Variants in GRK5 observed in about 807,000 individuals in gnomAD.
GRK5 encodes the protein g protein-coupled receptor kinase GRK5.
GRK5 carries 40 observed loss-of-function variants against 78.4 expected under a neutral mutation model. The observed-to-expected ratio is 0.51, with a 90% CI of 0.40 to 0.66. The LOEUF (loss-of-function observed/expected upper bound fraction) is 0.66, where lower values mean the gene tolerates loss of function less well. Among genes scored for constraint, GRK5 ranks in the 30% least tolerant of loss-of-function variants. GRK5 has a pLI of 0.00. For synonymous variants in GRK5, 289 were observed against 296.8 expected (o/e 0.97, Z 0.27); for missense variants, 598 against 759.9 (o/e 0.79, Z 2.50).
At chr10:119,288,348 A>G (rs572496107) in intron 1 of GRK5, among the ~76,000 whole-genome samples, 1 of 152,334 alleles carries the variant, frequency 6.6e-6, no homozygotes, top group South Asian at 2.1e-4. Flanking sequence ...CATAAGCTCC[A>G]TGGCAGCCAG....
At chr10:119,370,712 A>G (rs1589769434) in intron 2 of GRK5, among the ~76,000 whole-genome samples, 2 of 152,110 alleles carry the variant, frequency 1.3e-5, no homozygotes, top group African/African-American at 4.8e-5. Context: ...TTTAAGAGAA[A>G]GCTGTTTTCG....
intron 1 of GRK5, among the ~76,000 whole-genome samples, chr10:119,306,544 C>T (rs1238796462): frequency 6.6e-6 from 1 of 152,144 alleles, no homozygotes; most frequent in Non-Finnish European, 1.5e-5. Context: ...ACACTGAGAT[C>T]ACACAGCGAG....
At position 119,287,576 on chromosome 10, in the gene GRK5, T is replaced by C. The variant is rs571657202; in HGVS notation, c.53-38940T>C. On this transcript the variant is annotated intron_variant, in intron 1 of 15. Coordinates refer to ENST00000392870, the MANE Select transcript of GRK5 (RefSeq NM_005308.3). ...AGGAAAAAAATGCCTGTTTTCACTC[T>C]GGGCTTAGAATTCTTTTCTCTTCTT... Among the ~76,000 whole-genome samples, 6 of 152,358 alleles carry C rather than the reference T, an allele frequency of 3.9e-5. No individual in the cohort carries two copies. In the South Asian group the frequency reaches 8.3e-4, roughly 21 times the overall value.
chr10:119,425,250 T>G (rs1364366699), intron 6 of GRK5, among the ~76,000 whole-genome samples, 165 bp downstream of exon 6: 1 of 121,964 alleles, frequency 8.2e-6, no homozygotes, highest in East Asian at 2.4e-4. Flanking sequence ...GCTGTATGCT[T>G]ATTCAAGCAC....
chr10:119,439,555 G>A (rs1288114229), intron 9 of GRK5, among the ~76,000 whole-genome samples, 176 bp from the exon 10 acceptor site: 1 of 152,232 alleles, frequency 6.6e-6, no homozygotes, highest in African/African-American at 2.4e-5. Flanking sequence ...TTACTGGAAG[G>A]AGAAAAATTA....
intron 13 of GRK5, among the ~76,000 whole-genome samples, chr10:119,450,516 G>T (rs575495222): frequency 6.6e-6 from 1 of 152,228 alleles, no homozygotes; most frequent in African/African-American, 2.4e-5. Flanking sequence ...GCCTCCGTGC[G>T]TGCACCCAGG....
rs1210103612 is a variant in GRK5 at position 119,280,712 on chromosome 10, TC to T, written c.53-45801del. ...TTGAGGCACTGCCAAATTATTTTTCTCCCAGAATGCTTTGGAGGCAATGACT... is the reference window on the plus strand; with the variant it reads ...TTGAGGCACTGCCAAATTATTTTTCTCCAGAATGCTTTGGAGGCAATGACT... On this transcript the variant is annotated intron_variant, in intron 1 of 15. Transcript: ENST00000392870. Among the ~76,000 whole-genome samples the T allele has an allele frequency of 7.2e-5, 11 of 152,192 alleles. No homozygotes were observed. In the South Asian group the frequency reaches 1.2e-3, roughly 17 times the overall value.
chr10:119,441,947 G>A (rs1375930001), intron 10 of GRK5, 52 bp from the exon 11 acceptor site: 9 of 1,445,932 alleles, frequency 6.2e-6, no homozygotes, highest in South Asian at 4.6e-5. Context: ...CAGCAAGGCC[G>A]GGTGCCCATG....
At chr10:119,277,180 C>A (rs1456635657) in intron 1 of GRK5, among the ~76,000 whole-genome samples, 1 of 152,102 alleles carries the variant, frequency 6.6e-6, no homozygotes, top group Non-Finnish European at 1.5e-5. Flanking sequence ...CTGGGTGCTG[C>A]CGCACCTTGT....
intron 2 of GRK5, among the ~76,000 whole-genome samples, chr10:119,331,237 G>C (rs139193049): frequency 6.6e-6 from 1 of 152,248 alleles, no homozygotes; most frequent in Non-Finnish European, 1.5e-5. Context: ...GCGTGCTGGC[G>C]TGTGGAAATG....
rs1852604925 is a variant in GRK5 at position 119,423,183 on chromosome 10, C to T, written c.357C>T (p.Ala119=). The T allele has an allele frequency of 1.2e-6, 2 of 1,613,532 alleles. No homozygotes were observed. Among genetic ancestry groups the T allele is most frequent in the Non-Finnish European group, 8.5e-7 (1 of 1,179,534 alleles). The change falls in exon 5 of 16, where the codon GCC becomes GCT. Residue 119 remains alanine (A), a synonymous_variant. Transcript: ENST00000392870. ...TCTTCCAGTCCCCTGTTTTCATAGC[C>T]CAAGTTGGCCAAGACCTGGTCTCCC... ...YLTPKSPVFI[A]QVGQDLVSQT...
intron 8 of GRK5, among the ~76,000 whole-genome samples, chr10:119,434,605 C>T (rs988503870): frequency 6.6e-6 from 1 of 152,252 alleles, no homozygotes; most frequent in African/African-American, 2.4e-5. Flanking sequence ...ACGTGGGTTC[C>T]CACGGTCTTG....
intron 1 of GRK5, among the ~76,000 whole-genome samples, chr10:119,213,329 G>C (rs1007185919): frequency 6.6e-6 from 1 of 152,092 alleles, no homozygotes; most frequent in Non-Finnish European, 1.5e-5. Context: ...TGGCCAACAT[G>C]GTGAAATCCT....
intron 1 of GRK5, among the ~76,000 whole-genome samples, chr10:119,279,330 AAC>A (rs956351416): frequency 3.9e-5 from 6 of 152,286 alleles, no homozygotes; most frequent in African/African-American, 1.2e-4. Context: ...TTAGAACTTC[AAC>A]ACAGGAATTT....
intron 10 of GRK5, among the ~76,000 whole-genome samples, chr10:119,441,751 A>G (rs1463192443): frequency 1.3e-5 from 2 of 152,238 alleles, no homozygotes; most frequent in East Asian, 3.9e-4. Flanking sequence ...GTCAACGTCC[A>G]GCCGGGTCCA....
chr10:119,395,188 C>T (rs1440253604), intron 3 of GRK5, among the ~76,000 whole-genome samples: 3 of 152,214 alleles, frequency 2.0e-5, no homozygotes, highest in Non-Finnish European at 2.9e-5. Context: ...AGAACCACTG[C>T]CCTATCTCCC....
chr10:119,274,183 G>A (rs1025349582), intron 1 of GRK5, among the ~76,000 whole-genome samples: 6 of 152,266 alleles, frequency 3.9e-5, no homozygotes, highest in South Asian at 4.1e-4. Context: ...CACCCATGCC[G>A]CTGAGGAGGG....
At chr10:119,426,094 G>T (rs2133888101) in intron 6 of GRK5, among the ~76,000 whole-genome samples, 1 of 152,336 alleles carries the variant, frequency 6.6e-6, no homozygotes, top group East Asian at 1.9e-4. Flanking sequence ...AGCCATCTGG[G>T]GGCATCCAGT....
chr10:119,291,968 C>CCTTCTTCTCCTCCTCTTCCTCCTT (rs201514575), intron 1 of GRK5, among the ~76,000 whole-genome samples: 6 of 32,862 alleles, frequency 1.8e-4, no homozygotes, highest in Non-Finnish European at 3.9e-4. Flanking sequence ...TCCTCTTCCT[C>CCTTCTTCTCCTCCTCTTCCTCCTT]CTTCTCCTCC....
Sources: gnomAD v4.1 joint callset for allele counts (sites outside exome capture counted in the v4.1 genomes callset) on GRCh38, gnomAD v4.1.1 for gene constraint, MANE v1.5 for transcripts, NCBI Gene and HGNC (gene_info 2026-07-23, HGNC 2026-07-21) for gene names.